Variants in MAGI2 observed in about 807,000 individuals in gnomAD.
MAGI2 encodes membrane associated guanylate kinase, WW and PDZ domain containing 2, also known as membrane-associated guanylate kinase, WW and PDZ domain-containing protein 2.
A neutral mutation model predicts 133.3 loss-of-function variants in MAGI2; 35 were observed. That is an observed-to-expected ratio of 0.26 (90% CI 0.20 to 0.35). MAGI2 has a LOEUF of 0.35. Among genes scored for constraint, MAGI2 ranks in the 10% least tolerant of loss-of-function variants. The pLI, the probability that MAGI2 is intolerant of heterozygous loss-of-function variation, is 1.00. For synonymous variants in MAGI2, 729 were observed against 710.6 expected (o/e 1.03, Z -0.41); for missense variants, 1,636 against 1,863.4 (o/e 0.88, Z 2.25).
At chr7:78,998,529 C>G (rs935443440) in intron 2 of MAGI2, among the ~76,000 whole-genome samples, 2 of 152,102 alleles carry the variant, frequency 1.3e-5, no homozygotes, top group African/African-American at 4.8e-5. Context: ...GTGCTCTTTT[C>G]TTAGTTTCAT....
chr7:78,676,612 A>T (rs1815058897), intron 2 of MAGI2, among the ~76,000 whole-genome samples: 1 of 152,130 alleles, frequency 6.6e-6, no homozygotes, highest in South Asian at 2.1e-4. Context: ...AGCTCAATCC[A>T]GTGTCACAGT....
intron 16 of MAGI2, among the ~76,000 whole-genome samples, chr7:78,151,748 T>A (rs1453729033): frequency 2.0e-5 from 3 of 152,200 alleles, no homozygotes; most frequent in African/African-American, 7.2e-5. Context: ...CCAGCTTTCA[T>A]GTAATTCCTC....
chr7:78,503,875 T>A, intron 4 of MAGI2, among the ~76,000 whole-genome samples: 1 of 151,784 alleles, frequency 6.6e-6, no homozygotes, highest in East Asian at 2.0e-4. Flanking sequence ...GATTGTAAGT[T>A]TCCTGAGGCC....
chr7:79,345,395 A>G (rs913908068), intron 1 of MAGI2, among the ~76,000 whole-genome samples: 2 of 152,048 alleles, frequency 1.3e-5, no homozygotes, highest in Non-Finnish European at 2.9e-5. Context: ...AACCCTACTG[A>G]CAGTTTGATC....
At chr7:79,227,930 G>C (rs1464037342) in intron 1 of MAGI2, among the ~76,000 whole-genome samples, 1 of 152,090 alleles carries the variant, frequency 6.6e-6, no homozygotes, top group East Asian at 1.9e-4. Context: ...TCTATGAAAT[G>C]ATATCATATT....
At chr7:79,136,818 T>C (rs1821623207) in intron 1 of MAGI2, among the ~76,000 whole-genome samples, 1 of 152,174 alleles carries the variant, frequency 6.6e-6, no homozygotes, top group African/African-American at 2.4e-5. Context: ...AAATGTTGCC[T>C]TACACATATA....
At chr7:78,806,867 C>CAAAATAAAATAAAAT (rs150570172) in intron 2 of MAGI2, among the ~76,000 whole-genome samples, 80 of 128,800 alleles carry the variant, frequency 6.2e-4, no homozygotes, top group African/African-American at 1.4e-3. Context: ...CACCCTGTCT[C>CAAAATAAAATAAAAT]AAAATAAAAT....
chr7:78,468,743 G>A (rs1336002749), intron 6 of MAGI2, among the ~76,000 whole-genome samples: 2 of 152,146 alleles, frequency 1.3e-5, no homozygotes, highest in Admixed American at 6.6e-5. Flanking sequence ...AGCAAAGGAC[G>A]CCTCTGATAT....
At chr7:78,228,620 C>T (rs1218643713) in intron 10 of MAGI2, among the ~76,000 whole-genome samples, 2 of 152,142 alleles carry the variant, frequency 1.3e-5, no homozygotes, top group Non-Finnish European at 2.9e-5. Flanking sequence ...AAATACAAAA[C>T]TCAGGGTTTC....
At chr7:78,364,872 G>A (rs1395000410) in intron 7 of MAGI2, among the ~76,000 whole-genome samples, 1 of 152,144 alleles carries the variant, frequency 6.6e-6, no homozygotes, top group African/African-American at 2.4e-5. Flanking sequence ...TTCCTAGTTA[G>A]CAATTTTAGG....
intron 1 of MAGI2, among the ~76,000 whole-genome samples, chr7:79,292,285 A>ATGCCAGTACAACAT (rs1164970217): frequency 1.3e-5 from 2 of 152,020 alleles, no homozygotes; most frequent in African/African-American, 4.8e-5. Flanking sequence ...TTATTTATTT[A>ATGCCAGTACAACAT]TGCCAGTACA....
chr7:78,698,219 A>G (rs1817709870), intron 2 of MAGI2, among the ~76,000 whole-genome samples: 1 of 152,250 alleles, frequency 6.6e-6, no homozygotes, highest in South Asian at 2.1e-4. Flanking sequence ...TGCTGATCAA[A>G]TAAAATCTTC....
intron 21 of MAGI2, among the ~76,000 whole-genome samples, chr7:78,033,309 G>A (rs1453344084): frequency 2.0e-5 from 3 of 151,710 alleles, no homozygotes; most frequent in Non-Finnish European, 2.9e-5. Flanking sequence ...AGACCCTATC[G>A]CTACAAAAAA....
At chr7:78,454,828 T>C (rs1789130812) in intron 6 of MAGI2, among the ~76,000 whole-genome samples, 1 of 152,142 alleles carries the variant, frequency 6.6e-6, no homozygotes, top group Non-Finnish European at 1.5e-5. Flanking sequence ...GGCTACATAC[T>C]ATATGACTTC....
intron 14 of MAGI2, among the ~76,000 whole-genome samples, chr7:78,171,828 T>C (rs1826135493): frequency 6.6e-6 from 1 of 152,214 alleles, no homozygotes; most frequent in African/African-American, 2.4e-5. Context: ...CAGCCTCAGC[T>C]GACCCTTCAG....
chr7:78,128,510 C>T (rs1052142572), intron 18 of MAGI2, among the ~76,000 whole-genome samples: 5 of 150,694 alleles, frequency 3.3e-5, no homozygotes, highest in African/African-American at 1.2e-4. Flanking sequence ...AGAAAAAGCT[C>T]AAATGTGTCA....
At chr7:78,935,240 A>T (rs374460196) in intron 2 of MAGI2, among the ~76,000 whole-genome samples, 10 of 152,198 alleles carry the variant, frequency 6.6e-5, no homozygotes, top group African/African-American at 2.4e-4. Flanking sequence ...ATTATAATAA[A>T]TAGTCTTTTT....
intron 2 of MAGI2, among the ~76,000 whole-genome samples, chr7:78,971,137 C>T (rs1233978118): frequency 6.6e-6 from 1 of 151,946 alleles, no homozygotes; most frequent in Non-Finnish European, 1.5e-5. Context: ...AGTAGAGCCC[C>T]CAGAAGACCC....
chr7:78,611,018 C>T (rs1001188602), intron 3 of MAGI2, among the ~76,000 whole-genome samples: 2 of 152,316 alleles, frequency 1.3e-5, no homozygotes, highest in African/African-American at 4.8e-5. Flanking sequence ...CATCTTTACG[C>T]TTCAGGTTTC....
Sources: allele counts gnomAD v4.1 joint callset (sites outside exome capture counted in the v4.1 genomes callset), GRCh38; gene constraint gnomAD v4.1.1; transcripts MANE v1.5; gene names NCBI Gene and HGNC (gene_info 2026-07-23, HGNC 2026-07-21).